Variants in FBXL14 observed in about 807,000 individuals in gnomAD.
FBXL14 encodes the protein F-box/LRR-repeat protein 14.
Under a neutral mutation model 24.5 loss-of-function variants are expected in FBXL14, and 11 were observed. The ratio of observed to expected loss-of-function variants is 0.45; its 90% CI spans 0.28 to 0.74. The LOEUF is 0.74. Ranked by LOEUF, FBXL14 falls within the 30% of genes least tolerant of loss-of-function variation. The pLI, the probability that FBXL14 is intolerant of heterozygous loss-of-function variation, is 0.12. For missense variants in FBXL14, 384 were observed against 545.6 expected (o/e 0.70, Z 2.95); for synonymous variants, 294 against 240.4 (o/e 1.22, Z -2.06).
intron 1 of FBXL14, among the ~76,000 whole-genome samples, chr12:1,578,533 T>C (rs1016228140): frequency 2.0e-5 from 3 of 152,024 alleles, no homozygotes; most frequent in Middle Eastern, 3.2e-3. Flanking sequence ...TCCAGCCACT[T>C]GGGAGGCTGA....
intron 1 of FBXL14, among the ~76,000 whole-genome samples, chr12:1,591,709 T>A (rs755249086): frequency 1.3e-5 from 2 of 152,102 alleles, no homozygotes; most frequent in Admixed American, 6.5e-5. Context: ...ATTTTGTTAA[T>A]AGAACAGAGA....
chr12:1,571,196 T>G (rs989373748), intron 1 of FBXL14, among the ~76,000 whole-genome samples: 1 of 133,672 alleles, frequency 7.5e-6, no homozygotes, highest in East Asian at 2.0e-4. Flanking sequence ...TCTGGTGGGG[T>G]TTTTTTTGTT....
intron 1 of FBXL14, among the ~76,000 whole-genome samples, chr12:1,587,066 C>T (rs752859991): frequency 1.3e-5 from 2 of 151,710 alleles, no homozygotes; most frequent in African/African-American, 4.8e-5. Flanking sequence ...GGAGAAACCC[C>T]GTCTCTACCA....
intron 1 of FBXL14, among the ~76,000 whole-genome samples, chr12:1,586,033 G>C (rs1324476900): frequency 6.6e-6 from 1 of 152,182 alleles, no homozygotes; most frequent in African/African-American, 2.4e-5. Flanking sequence ...CAACAGATTT[G>C]ACAGTTAGCT....
intron 1 of FBXL14, among the ~76,000 whole-genome samples, chr12:1,573,788 T>G (rs2094449727): frequency 6.6e-6 from 1 of 152,212 alleles, no homozygotes; most frequent in African/African-American, 2.4e-5. Context: ...GCGGATCACC[T>G]GAGGTCAAGA....
At chr12:1,582,127 AAAAGGAAG>A (rs2094467487) in intron 1 of FBXL14, among the ~76,000 whole-genome samples, 1 of 135,302 alleles carries the variant, frequency 7.4e-6, no homozygotes, top group African/African-American at 3.2e-5. Context: ...CTGTCGAAAG[AAAAGGAAG>A]GAAGGAAGGA....
chr12:1,593,484 G>A lies in FBXL14; in HGVS notation c.583C>T (p.Arg195Cys), dbSNP rs762427729. Residue 195 changes from arginine (R) to cysteine (C), a missense_variant, in exon 1 of 2, where the codon CGC becomes TGC. By Grantham distance (180) the Arg-to-Cys change is radical. Coordinates refer to ENST00000339235, the MANE Select transcript of FBXL14 (RefSeq NM_152441.3). The surrounding 1 kb of genome is among the most constrained non-coding windows in gnomAD (Gnocchi z 7.4). ...CCCAGGCAGCCCTCCGCCGCGCTGC[G>A]CGTCATGCCGGCCAGGTGCCCGATG... is the stretch of plus-strand genomic sequence containing the variant. Reference protein sequence around the residue: ...VGIGHLAGMTRSAAEGCLGLE... With the variant: ...VGIGHLAGMTCSAAEGCLGLE... 6.2e-7 allele frequency: 1 copy of A among 1,613,616 alleles called. No homozygotes were observed. The highest frequency in any genetic ancestry group is 8.5e-7 in the Non-Finnish European group (1 of 1,179,978).
At chr12:1,568,881 G>C (rs72653426) in intron 1 of FBXL14, among the ~76,000 whole-genome samples, 1 of 152,106 alleles carries the variant, frequency 6.6e-6, no homozygotes, top group African/African-American at 2.4e-5. Context: ...GATTGTCATA[G>C]TGGGTCAAAA....
rs766124985 is a variant in FBXL14 at position 1,593,968 on chromosome 12, G to A, written c.99C>T (p.Thr33=). The part of the protein sequence containing the change: ...RDKGRAAQVC[T]AWRDAAYHKS... Reference sequence around the variant, plus strand: ...TGTGGTAGGCGGCGTCCCGCCAGGCGGTGCACACCTGCGCCGCGCGCCCCT... The same window carrying A: ...TGTGGTAGGCGGCGTCCCGCCAGGCAGTGCACACCTGCGCCGCGCGCCCCT... Residue 33 remains threonine, a synonymous_variant, in exon 1 of 2, where the codon ACC becomes ACT. Transcript: ENST00000339235. The surrounding 1 kb of genome is among the most constrained non-coding windows in gnomAD (Gnocchi z 7.4). 3.1e-6 allele frequency: 5 copies of A among 1,589,420 alleles called. No individual in the cohort carries two copies. In the Admixed American group the frequency reaches 6.9e-5, roughly 22 times the overall value.
chr12:1,584,855 T>C (rs1353860810), intron 1 of FBXL14, among the ~76,000 whole-genome samples: 2 of 152,216 alleles, frequency 1.3e-5, no homozygotes, highest in Non-Finnish European at 2.9e-5. Context: ...AGTGGAGTTT[T>C]GGGCAATGAA....
chr12:1,591,807 T>C (rs1484161465), intron 1 of FBXL14, among the ~76,000 whole-genome samples: 1 of 152,172 alleles, frequency 6.6e-6, no homozygotes, highest in Non-Finnish European at 1.5e-5. Context: ...TGTGACCTTT[T>C]TGGGGGGAAA....
chr12:1,592,410 C>T (rs1045601497), intron 1 of FBXL14, among the ~76,000 whole-genome samples: 5 of 151,920 alleles, frequency 3.3e-5, no homozygotes, highest in Non-Finnish European at 7.4e-5. Context: ...GCCTTTGTAG[C>T]TGGGTTTGCT....
At position 1,593,027 on chromosome 12, in the gene FBXL14, C is replaced by CG; in HGVS notation, c.1039_1040insC (p.Gly347AlafsTer7). Reference sequence around the variant, plus strand: ...CAGGTGCTCAGCGATCAGCTCCAGGCCCTTGTCCGTGATGCGCACACACTG... The same window carrying CG: ...CAGGTGCTCAGCGATCAGCTCCAGGCGCCTTGTCCGTGATGCGCACACACTG... On this transcript the variant is annotated frameshift_variant, in exon 1 of 2. Coordinates refer to ENST00000339235, the MANE Select transcript of FBXL14 (RefSeq NM_152441.3). LOFTEE classifies it high-confidence loss of function. The surrounding 1 kb of genome is among the most constrained non-coding windows in gnomAD (Gnocchi z 7.4). 6.2e-7 allele frequency: 1 copy of CG among 1,612,334 alleles called. No individual in the cohort carries two copies.
At position 1,594,088 on chromosome 12, in the gene FBXL14, G is replaced by A; in HGVS notation, c.-22C>T. On this transcript the variant is annotated 5_prime_UTR_variant, in exon 1 of 2. Transcript: ENST00000339235. ...CCATCTTCCTCCTCCCCCCTCCGCG[G>A]CGCTGGGGGGAGGAGGCGCGGGCCC... The A allele has an allele frequency of 1.4e-6, 2 of 1,390,416 alleles. No homozygotes were observed. The highest frequency in any genetic ancestry group is 1.9e-6 in the Non-Finnish European group (2 of 1,078,374). The allele number at this position is 1,390,416 out of a possible 1,614,324, so 86.1% of individuals were successfully genotyped here.
intron 1 of FBXL14, chr12:1,587,436 C>T (rs987151265): frequency 6.6e-5 from 10 of 152,120 alleles, no homozygotes; most frequent in African/African-American, 2.4e-4. Context: ...AGATCTCAAG[C>T]TTACTTTCTT....
chr12:1,576,872 T>C (rs1203912445), intron 1 of FBXL14, among the ~76,000 whole-genome samples: 1 of 152,224 alleles, frequency 6.6e-6, no homozygotes, highest in African/African-American at 2.4e-5. Flanking sequence ...TTTTTTAAAG[T>C]CATTCATAAA....
chr12:1,580,529 T>C (rs1487958974), intron 1 of FBXL14, among the ~76,000 whole-genome samples: 1 of 151,802 alleles, frequency 6.6e-6, no homozygotes, highest in African/African-American at 2.4e-5. Flanking sequence ...ATGGAAAACA[T>C]AGTGGGGGGG....
Position 1,566,787 on chromosome 12 carries a change from T to C in FBXL14, c.1218A>G (p.Pro406=), listed in dbSNP as rs772676421. The C allele has an allele frequency of 2.6e-6, 2 of 780,974 alleles. No homozygotes were observed. The highest frequency in any genetic ancestry group is 1.7e-5 in the African/African-American group (1 of 59,250). 48.4% of individuals were successfully genotyped at this position (780,974 alleles called of 1,614,324 possible). Residue 406 remains proline (P), a synonymous_variant, in exon 2 of 2, where the codon CCA becomes CCG. Coordinates refer to ENST00000339235, the MANE Select transcript of FBXL14 (RefSeq NM_152441.3). ...TTCCCCGAGTTCTCACAGTGAATAA[T>C]GGAGAAAAATCCCCTCGTGCCTCCT... is the stretch of plus-strand genomic sequence containing the variant. ...SEKEARGDFS[P]LFTVRTRGSS... is the part of the protein sequence containing the mutation.
At chr12:1,585,136 C>A in intron 1 of FBXL14, among the ~76,000 whole-genome samples, 1 of 152,004 alleles carries the variant, frequency 6.6e-6, no homozygotes, top group East Asian at 1.9e-4. Flanking sequence ...CGGTGGCTCA[C>A]GCCTGTCATC....
Sources: gnomAD v4.1 joint callset for allele counts (sites outside exome capture counted in the v4.1 genomes callset) on GRCh38, gnomAD v4.1.1 for gene constraint, Gnocchi (gnomAD v3.1) non-coding constraint, MANE v1.5 for transcripts, NCBI Gene and HGNC (gene_info 2026-07-23, HGNC 2026-07-21) for gene names.